The following CHD1 variants were observed in gnomAD, a reference collection of about 807,000 sequenced individuals.
The protein encoded by CHD1 is chromodomain helicase DNA binding protein 1, also known as ATP-dependent chromatin remodeler CHD1.
CHD1 carries 36 observed loss-of-function variants against 224.2 expected under a neutral mutation model. That is an observed-to-expected ratio of 0.16 (90% confidence interval 0.12 to 0.21). CHD1 has a LOEUF of 0.21. Ranked by LOEUF, CHD1 falls within the 10% of genes least tolerant of loss-of-function variation. The pLI, the probability that CHD1 is intolerant of heterozygous loss-of-function variation, is 1.00. For missense variants in CHD1, 1,378 were observed against 1,994.8 expected (o/e 0.69, Z 5.89); for synonymous variants, 668 against 658.3 (o/e 1.01, Z -0.23).
At chr5:98,918,740 T>C (rs1009002528) in intron 2 of CHD1, among the ~76,000 whole-genome samples, 6 of 122,262 alleles carry the variant, frequency 4.9e-5, no homozygotes, top group East Asian at 2.2e-4. Context: ...CCTGGCAACA[T>C]AGCAAGACTC....
intron 32 of CHD1, among the ~76,000 whole-genome samples, chr5:98,861,264 C>T (rs1055835075): frequency 1.3e-5 from 2 of 152,156 alleles, no homozygotes; most frequent in African/African-American, 2.4e-5. Flanking sequence ...TATCTGTTCA[C>T]ATTTTCTACA....
At chr5:98,861,094 C>T (rs1748436067) in intron 32 of CHD1, among the ~76,000 whole-genome samples, 1 of 152,166 alleles carries the variant, frequency 6.6e-6, no homozygotes, top group Non-Finnish European at 1.5e-5. Context: ...GAACAAAGCA[C>T]CAGAGCTGAG....
chr5:98,879,581 G>C lies in CHD1; in HGVS notation c.3208C>G (p.Leu1070Val). 6.3e-7 allele frequency: 1 copy of C among 1,599,182 alleles called. No individual in the cohort carries two copies. Among genetic ancestry groups the C allele is most frequent in the South Asian group, 1.1e-5 (1 of 87,076 alleles). ...RQKELEEIYM[L>V]PRMRNCAKQI... The stretch of plus-strand genomic sequence containing the variant: ...TTTGCACAATTTCTCATTCTTGGGA[G>C]CATATAAATTTCTTCAAGTTCCTTT... Residue 1070 changes from leucine (L) to valine (V), a missense_variant, in exon 23 of 36, where the codon CTC (leucine) becomes GTC (valine). By Grantham distance (32) the Leu-to-Val change is conservative (BLOSUM62 1). This residue lies in a region of CHD1 where 286 missense variants were observed against 445.1 expected (regional missense o/e 0.64). Coordinates refer to ENST00000614616, the MANE Select transcript of CHD1 (RefSeq NM_001270.4).
At chr5:98,875,863 C>T (rs982573989) in intron 24 of CHD1, among the ~76,000 whole-genome samples, 1 of 152,068 alleles carries the variant, frequency 6.6e-6, no homozygotes, top group African/African-American at 2.4e-5. Context: ...TTATCCCATT[C>T]CTCTTAAATA....
chr5:98,920,943 A>T (rs1753053290), intron 2 of CHD1, among the ~76,000 whole-genome samples: 1 of 152,238 alleles, frequency 6.6e-6, no homozygotes, highest in Admixed American at 6.5e-5. Context: ...AGACGTGACA[A>T]CTAAATGCAA....
chr5:98,894,796 A>G (rs1251487006), intron 12 of CHD1, 110 bp from the exon 13 acceptor site: 3 of 525,724 alleles, frequency 5.7e-6, no homozygotes, highest in African/African-American at 2.0e-5. Context: ...AACTATTAAT[A>G]TATGTTTATG....
At chr5:98,883,064 A>G in intron 19 of CHD1, 24 bp downstream of exon 19, 2 of 1,366,376 alleles carry the variant, frequency 1.5e-6, no homozygotes, top group Non-Finnish European at 1.9e-6. Flanking sequence ...ACAGCAATAT[A>G]ATATAAATTA....
chr5:98,859,069 A>C, intron 33 of CHD1, 54 bp from the exon 34 acceptor site: 1 of 1,350,826 alleles, frequency 7.4e-7, no homozygotes, highest in Non-Finnish European at 1.0e-6. Flanking sequence ...CAAACTTACA[A>C]AAAAGCACAG....
intron 31 of CHD1, 125 bp downstream of exon 31, chr5:98,868,370 A>T (rs894737678): frequency 1.3e-6 from 1 of 787,766 alleles, no homozygotes. Flanking sequence ...TCAAATTTCA[A>T]ATACATTGCT....
chr5:98,902,385 GAAT>G (rs1751776039), intron 5 of CHD1, among the ~76,000 whole-genome samples: 1 of 151,942 alleles, frequency 6.6e-6, no homozygotes, highest in Middle Eastern at 3.2e-3. Context: ...CAAGAAAATG[GAAT>G]AATGTTTCCA....
intron 2 of CHD1, among the ~76,000 whole-genome samples, chr5:98,917,299 C>CAAAACAAAAAAAA (rs1752795678): frequency 8.3e-6 from 1 of 119,852 alleles, no homozygotes; most frequent in African/African-American, 3.9e-5. Context: ...AACAAAGAAA[C>CAAAACAAAAAAAA]AAAAAAAAAA....
Position 98,928,695 on chromosome 5 carries a change from G to A in CHD1, c.-305C>T, listed in dbSNP as rs1003002542. 6.5e-6 allele frequency: 1 copy of A among 153,684 alleles called. No individual in the cohort carries two copies. The highest frequency in any genetic ancestry group is 1.5e-5 in the Non-Finnish European group (1 of 68,946). 9.5% of individuals were successfully genotyped at this position (153,684 alleles called of 1,614,324 possible). ...GGAAGGGGACAGACGCGGAGGGGAAGGGGAAGCCCCGGTCCGCAGCACCAA... is the reference window on the plus strand; with the variant it reads ...GGAAGGGGACAGACGCGGAGGGGAAAGGGAAGCCCCGGTCCGCAGCACCAA... On this transcript the variant is annotated 5_prime_UTR_variant, in exon 1 of 36. Coordinates refer to ENST00000614616, the MANE Select transcript of CHD1 (RefSeq NM_001270.4).
chr5:98,893,407 T>C lies in CHD1; in HGVS notation c.1991+9A>G, dbSNP rs373125400. 30 of 1,567,130 alleles carry C rather than the reference T, an allele frequency of 1.9e-5. No homozygotes were observed. In the African/African-American group the frequency reaches 2.2e-4, roughly 12 times the overall value. ...ACACAATATGATTAAAATTGTAAAG[T>C]TGTCTTACTTTTCTGGCATAATGAA... On this transcript the variant is annotated intron_variant, in intron 14 of 35. Transcript: ENST00000614616.
At chr5:98,923,474 C>T (rs892935773) in intron 2 of CHD1, among the ~76,000 whole-genome samples, 1 of 149,438 alleles carries the variant, frequency 6.7e-6, no homozygotes, top group Non-Finnish European at 1.5e-5. Flanking sequence ...GGAGTGCAAT[C>T]GCGCAATCTC....
chr5:98,915,814 C>T (rs944597718), intron 2 of CHD1, among the ~76,000 whole-genome samples: 2 of 152,076 alleles, frequency 1.3e-5, no homozygotes, highest in Admixed American at 6.6e-5. Flanking sequence ...ACATGGGGCT[C>T]ATTTTACTAC....
rs750505760 is a variant in CHD1, at chr5:98,858,922, AT to A, written c.4576+41del. The A allele has an allele frequency of 8.2e-5, 115 of 1,399,950 alleles. No homozygotes were observed. The African/African-American group carries it at 1.5e-3, about 19-fold the overall frequency. The allele number at this position is 1,399,950 out of a possible 1,614,324, so 86.7% of individuals were successfully genotyped here. On this transcript the variant is annotated intron_variant, in intron 34 of 35. Transcript: ENST00000614616. ...TATTTAAAACAAAAATTTAAAAAAA[AT>A]TTTTTTTAATTTATTTTCCCAATCA...
Position 98,881,996 on chromosome 5 carries a change from T to G in CHD1, c.2846A>C (p.His949Pro). ...CCACCTTGATGGGGCAGAACCTGTA[T>G]GTAGTACTGTCTTCCCAGTTGTGTC... is the stretch of plus-strand genomic sequence containing the variant. ...RMDTTGKTVL[H>P]TGSAPSSSTP... Residue 949 changes from histidine to proline, a missense_variant, in exon 20 of 36, where the codon CAT becomes CCT. By Grantham distance (77) the His-to-Pro change is moderately conservative. Coordinates refer to ENST00000614616, the MANE Select transcript of CHD1 (RefSeq NM_001270.4). The G allele has an allele frequency of 1.2e-6, 2 of 1,613,764 alleles. No individual in the cohort carries two copies. Among genetic ancestry groups the G allele is most frequent in the Non-Finnish European group, 1.7e-6 (2 of 1,179,828 alleles).
chr5:98,858,606 AT>A, intron 34 of CHD1: 1 of 511,090 alleles, frequency 2.0e-6, no homozygotes, highest in South Asian at 3.1e-5. Flanking sequence ...AAACTAAAAA[AT>A]ATGGGACCTA....
At chr5:98,899,402 C>A (rs1225191626) in intron 8 of CHD1, 78 bp downstream of exon 8, 48 of 892,130 alleles carry the variant, frequency 5.4e-5, no homozygotes, top group Non-Finnish European at 7.8e-5. Flanking sequence ...TTTAATGTTA[C>A]TATGTATTCT....
Sources: allele counts gnomAD v4.1 joint callset (sites outside exome capture counted in the v4.1 genomes callset), GRCh38; gene constraint gnomAD v4.1.1; regional missense constraint gnomAD v4.1.1; transcripts MANE v1.5; gene names NCBI Gene and HGNC (gene_info 2026-07-23, HGNC 2026-07-21).